ZFP64: variants seen among roughly 807,000 people sequenced by gnomAD.
ZFP64 encodes the protein zinc finger protein 64.
Under a neutral mutation model 51.6 loss-of-function variants are expected in ZFP64, and 14 were observed. The observed-to-expected ratio is 0.27, with a 90% confidence interval of 0.18 to 0.42. The LOEUF (loss-of-function observed/expected upper bound fraction) is 0.42, where lower values mean the gene tolerates loss of function less well. Ranked by LOEUF, ZFP64 falls within the 10% of genes least tolerant of loss-of-function variation. The pLI is 1.00. For missense variants in ZFP64, 754 were observed against 906.8 expected (o/e 0.83, Z 2.16); for synonymous variants, 375 against 361.4 (o/e 1.04, Z -0.43).
intron 5 of ZFP64, among the ~76,000 whole-genome samples, chr20:52,130,053 G>A (rs1979649011): frequency 6.6e-6 from 1 of 151,922 alleles, no homozygotes; most frequent in Admixed American, 6.6e-5. Context: ...GATCCACATG[G>A]CTCCCTCACT....
downstream of ZFP64, among the ~76,000 whole-genome samples, chr20:52,149,789 T>C (rs1272051472): frequency 1.4e-4 from 21 of 152,186 alleles, no homozygotes; most frequent in Admixed American, 1.4e-3. Context: ...GTATTATATA[T>C]GGAAGGCAGC....
rs370075472 is a variant in ZFP64 at position 52,153,489 on chromosome 20, C to G, written c.764-61G>C. 1.3e-6 allele frequency: 2 copies of G among 1,544,758 alleles called. No individual in the cohort carries two copies. Among genetic ancestry groups the G allele is most frequent in the Non-Finnish European group, 8.7e-7 (1 of 1,144,760 alleles). ...AGGCAACAACCACAGCGGATCCCCC[C>G]GAAGCACACACCAGAAAATCGCTTA... On this transcript the variant is annotated intron_variant, in intron 5 of 5. Transcript: ENST00000216923. This position sits in a 1 kb window ranked among gnomAD's most constrained non-coding sequence, Gnocchi z 5.1.
intron 2 of ZFP64, among the ~76,000 whole-genome samples, chr20:52,184,138 G>A (rs186999947): frequency 1.3e-4 from 20 of 152,036 alleles, no homozygotes; most frequent in Non-Finnish European, 2.5e-4. Context: ...GAGCCACTGC[G>A]CCTGGCCCTG....
At chr20:52,188,962 C>T (rs1046079961) in intron 1 of ZFP64, among the ~76,000 whole-genome samples, 1 of 150,784 alleles carries the variant, frequency 6.6e-6, no homozygotes, top group Non-Finnish European at 1.5e-5. Context: ...GGCGACAGAG[C>T]GAGACTCCGT....
intron 8 of ZFP64, among the ~76,000 whole-genome samples, chr20:52,087,574 G>T (rs2078877669): frequency 6.6e-6 from 1 of 152,282 alleles, no homozygotes; most frequent in Non-Finnish European, 1.5e-5. Flanking sequence ...ATTTCCTATA[G>T]ATGACTCATG....
chr20:52,149,738 C>T (rs1980697342), downstream of ZFP64, among the ~76,000 whole-genome samples: 1 of 152,028 alleles, frequency 6.6e-6, no homozygotes, highest in Admixed American at 6.6e-5. Context: ...CATGTGTGTA[C>T]ATCTCTATGC....
chr20:52,188,308 CTTTTTTTTT>C, intron 1 of ZFP64, among the ~76,000 whole-genome samples: 1 of 104,242 alleles, frequency 9.6e-6, no homozygotes, highest in South Asian at 3.5e-4. Context: ...CTTTTTCTTT[CTTTTTTTTT>C]TTTTTTTTTT....
chr20:52,171,701 G>C (rs9680002), intron 2 of ZFP64, among the ~76,000 whole-genome samples: 3,590 of 151,052 alleles, frequency 0.024, 132 homozygotes, highest in African/African-American at 0.084. Flanking sequence ...TGTTGGCCAG[G>C]CTGTTCTCAA....
intron 5 of ZFP64, among the ~76,000 whole-genome samples, chr20:52,116,809 C>T (rs1978898112): frequency 6.6e-6 from 1 of 152,206 alleles, no homozygotes; most frequent in South Asian, 2.1e-4. Context: ...CTGGCTCACG[C>T]CTGTAATCTC....
At position 52,191,679 on chromosome 20, in the gene ZFP64, TG is replaced by T; in HGVS notation, c.-44del. On this transcript the variant is annotated 5_prime_UTR_variant, in exon 1 of 6. Transcript: ENST00000216923. This position sits in a 1 kb window ranked among gnomAD's most constrained non-coding sequence, Gnocchi z 4.3. ...TCCCCGGCCGGCCGGGATGCCAAAG[TG>T]GGGGACGCTGATCTACATGGTGCAA... The T allele has an allele frequency of 6.4e-7, 1 of 1,560,628 alleles. No homozygotes were observed.
chr20:52,167,579 T>A (rs1304661387), intron 2 of ZFP64, among the ~76,000 whole-genome samples: 3 of 143,170 alleles, frequency 2.1e-5, no homozygotes, highest in Non-Finnish European at 4.6e-5. Flanking sequence ...CCTTCTTTCC[T>A]TCCTCTCCTC....
rs575253504 is a variant in ZFP64 at position 52,153,459 on chromosome 20, C to A, written c.764-31G>T. 8.1e-6 allele frequency: 13 copies of A among 1,596,874 alleles called. No homozygotes were observed. Among genetic ancestry groups the A allele is most frequent in the African/African-American group, 2.7e-5 (2 of 74,784 alleles). On this transcript the variant is annotated intron_variant, in intron 5 of 5. Coordinates refer to ENST00000216923, the MANE Select transcript of ZFP64 (RefSeq NM_018197.3). The surrounding 1 kb of genome is among the most constrained non-coding windows in gnomAD (Gnocchi z 5.1). Reference sequence around the variant, plus strand: ...AACACAAGGTGAGTTTCGATAAGAACAGGCAGGCAACAACCACAGCGGATC... The same window carrying A: ...AACACAAGGTGAGTTTCGATAAGAAAAGGCAGGCAACAACCACAGCGGATC...
intron 5 of ZFP64, among the ~76,000 whole-genome samples, chr20:52,103,126 T>C (rs995881118): frequency 6.6e-6 from 1 of 152,148 alleles, no homozygotes; most frequent in Admixed American, 6.5e-5. Flanking sequence ...CCTCTGCCTC[T>C]GGAAGTGGGG....
chr20:52,147,232 C>T (rs913614129), downstream of ZFP64, among the ~76,000 whole-genome samples: 3 of 152,004 alleles, frequency 2.0e-5, no homozygotes, highest in Admixed American at 6.6e-5. Context: ...GATGGAGTTG[C>T]ACTCTGTCAC....
chr20:52,142,409 C>CACACACACACACAT (rs1396893630), intron 5 of ZFP64, among the ~76,000 whole-genome samples: 5 of 151,422 alleles, frequency 3.3e-5, no homozygotes, highest in African/African-American at 1.2e-4. Context: ...CACACACACA[C>CACACACACACACAT]ACACACACAA....
intron 5 of ZFP64, among the ~76,000 whole-genome samples, chr20:52,159,854 G>A (rs961095027): frequency 1.3e-5 from 2 of 152,136 alleles, no homozygotes; most frequent in Non-Finnish European, 1.5e-5. Flanking sequence ...TGGACGTGGT[G>A]CAACATGCTT....
In ZFP64 at chr20:52,126,536, A is replaced by G. The variant is rs535690159; in HGVS notation, c.764-27949T>C. On this transcript the variant is annotated intron_variant, in intron 5 of 8. Coordinates refer to the ZFP64 transcript ENST00000361387. ...TTTCTACACCAGACTAGGTTGAAAG[A>G]TGCCCTATAAAGATGACTGTTGGTT... 2.0e-5 allele frequency among the ~76,000 whole-genome samples: 3 copies of G among 152,348 alleles called. No homozygotes were observed. In the South Asian group the frequency reaches 6.2e-4, roughly 32 times the overall value.
rs565911424 is a variant in ZFP64 at position 52,121,015 on chromosome 20, T to C, written c.764-22428A>G. Reference sequence around the variant, plus strand: ...ATTTGATGCTACCCTCGTAACTGTTTTAGGGTGCCATGAACTGTGCCCATG... The same window carrying C: ...ATTTGATGCTACCCTCGTAACTGTTCTAGGGTGCCATGAACTGTGCCCATG... On this transcript the variant is annotated intron_variant, in intron 5 of 8. Coordinates refer to the ZFP64 transcript ENST00000361387. Among the ~76,000 whole-genome samples, 7 of 152,232 alleles carry C rather than the reference T, an allele frequency of 4.6e-5. No homozygotes were observed. In the South Asian group the frequency reaches 1.5e-3, roughly 32 times the overall value.
intron 5 of ZFP64, among the ~76,000 whole-genome samples, chr20:52,104,148 C>G (rs2077355974): frequency 6.6e-6 from 1 of 152,200 alleles, no homozygotes; most frequent in African/African-American, 2.4e-5. Flanking sequence ...AAAGTAGGAA[C>G]CTACAATCTC....
Sources: allele counts gnomAD v4.1 joint callset (sites outside exome capture counted in the v4.1 genomes callset), GRCh38; gene constraint gnomAD v4.1.1; non-coding constraint Gnocchi (gnomAD v3.1); transcripts MANE v1.5; gene names NCBI Gene and HGNC (gene_info 2026-07-23, HGNC 2026-07-21).